Variants in XYLB observed in about 807,000 individuals in gnomAD.
The protein encoded by XYLB is xylulokinase.
In XYLB, 62 loss-of-function variants were observed where a neutral mutation model predicts 78.7. That is an observed-to-expected ratio of 0.79 (90% CI 0.64 to 0.97). XYLB has a LOEUF of 0.97. XYLB is among the 50% of genes least tolerant of loss of function. The pLI is 0.00. For missense variants in XYLB, 687 were observed against 676.8 expected (o/e 1.02, Z -0.17); for synonymous variants, 245 against 247.4 (o/e 0.99, Z 0.09).
intron 18 of XYLB, among the ~76,000 whole-genome samples, chr3:38,411,164 A>G (rs1378339293): frequency 6.6e-6 from 1 of 152,192 alleles, no homozygotes; most frequent in Non-Finnish European, 1.5e-5. Flanking sequence ...GATTAAGAAA[A>G]TGTGGCACAT....
intron 14 of XYLB, among the ~76,000 whole-genome samples, chr3:38,378,742 G>T (rs1706993604): frequency 6.6e-6 from 1 of 150,896 alleles, no homozygotes; most frequent in African/African-American, 2.4e-5. Flanking sequence ...AGTGAGCCTG[G>T]GGTTGATGCC....
At chr3:38,439,353 C>T in the XYLB span, among the ~76,000 whole-genome samples, 15 of 152,082 alleles carry the variant, frequency 9.9e-5, no homozygotes, top group African/African-American at 3.6e-4. Flanking sequence ...CTACAGGAAC[C>T]AAATTTGACA....
At chr3:38,450,514 C>T in the XYLB span, among the ~76,000 whole-genome samples, 1 of 152,152 alleles carries the variant, frequency 6.6e-6, no homozygotes, top group Non-Finnish European at 1.5e-5. Context: ...GCCTTAATGG[C>T]AGAATTCACT....
chr3:38,440,439 A>G, the XYLB span, among the ~76,000 whole-genome samples: 1 of 152,228 alleles, frequency 6.6e-6, no homozygotes, highest in African/African-American at 2.4e-5. Context: ...TGCTTCTACA[A>G]GAGTTTCCTT....
chr3:38,354,542 G>A (rs2125556111), intron 2 of XYLB, among the ~76,000 whole-genome samples: 1 of 150,730 alleles, frequency 6.6e-6, no homozygotes, highest in South Asian at 2.1e-4. Flanking sequence ...TAGCTCTGGA[G>A]CCCAGGTTGA....
At chr3:38,366,535 T>A (rs1243673046) in intron 6 of XYLB, among the ~76,000 whole-genome samples, 1 of 152,188 alleles carries the variant, frequency 6.6e-6, no homozygotes, top group Non-Finnish European at 1.5e-5. Flanking sequence ...TCAAACAGAT[T>A]TAATGCTTAT....
At chr3:38,397,242 G>A in intron 17 of XYLB, 83 bp downstream of exon 17, 1 of 1,296,424 alleles carries the variant, frequency 7.7e-7, no homozygotes, top group African/African-American at 1.5e-5. Flanking sequence ...GGGAGAGTGA[G>A]GTGTACCCAG....
chr3:38,441,059 A>G, the XYLB span, among the ~76,000 whole-genome samples: 1 of 151,126 alleles, frequency 6.6e-6, no homozygotes, highest in Admixed American at 6.6e-5. Context: ...CCAGCCGCTT[A>G]TGCTGCTATT....
chr3:38,357,638 G>A (rs913471414), intron 2 of XYLB, among the ~76,000 whole-genome samples: 3 of 152,090 alleles, frequency 2.0e-5, no homozygotes, highest in Non-Finnish European at 4.4e-5. Flanking sequence ...CGCCCGCCTC[G>A]GCCTCCCAAA....
intron 10 of XYLB, among the ~76,000 whole-genome samples, 173 bp downstream of exon 10, chr3:38,372,909 G>T (rs568411329): frequency 6.6e-6 from 1 of 151,886 alleles, no homozygotes; most frequent in Non-Finnish European, 1.5e-5. Context: ...GCCTTCTGTG[G>T]TCATTCCTCA....
chr3:38,431,542 T>G, the XYLB span, among the ~76,000 whole-genome samples: 9 of 152,356 alleles, frequency 5.9e-5, no homozygotes, highest in South Asian at 1.7e-3. Context: ...TACCTTCTAT[T>G]TCTTTCTCTT....
At chr3:38,417,283 C>A (rs566628409), downstream of XYLB, among the ~76,000 whole-genome samples, 1 of 151,654 alleles carries the variant, frequency 6.6e-6, no homozygotes, top group Admixed American at 6.6e-5. Flanking sequence ...AAAAATTAGC[C>A]AGGCATGGTG....
chr3:38,359,607 A>T (rs1705859900), intron 2 of XYLB, among the ~76,000 whole-genome samples: 1 of 152,208 alleles, frequency 6.6e-6, no homozygotes, highest in East Asian at 1.9e-4. Context: ...TGATATCACA[A>T]ATATACACCA....
At position 38,413,788 on chromosome 3, in the gene XYLB, AGTG is replaced by A. The variant is rs1401923345; in HGVS notation, c.*779_*781del. ...GATCACTGAGAGGGACCATCTCCCA[AGTG>A]GTGCAGTTTAGAACTTCTCTCCCTT... On this transcript the variant is annotated 3_prime_UTR_variant, in exon 19 of 19. Transcript: ENST00000207870. The A allele has an allele frequency of 6.6e-6, 1 of 152,132 alleles. No individual in the cohort carries two copies. The highest frequency in any genetic ancestry group is 1.5e-5 in the Non-Finnish European group (1 of 68,058). The allele number at this position is 152,132 out of a possible 1,614,324, so 9.4% of individuals were successfully genotyped here. A position where few individuals can be genotyped will look rare whatever the true frequency, so the allele number is the denominator to read the frequency against.
chr3:38,393,879 TG>T (rs1707769205), intron 15 of XYLB, among the ~76,000 whole-genome samples: 2 of 152,228 alleles, frequency 1.3e-5, no homozygotes, highest in Non-Finnish European at 2.9e-5. Flanking sequence ...TCTGAGAAAC[TG>T]GGGTTTAGGA....
At chr3:38,351,753 T>G (rs1275968720) in intron 2 of XYLB, among the ~76,000 whole-genome samples, 2 of 152,264 alleles carry the variant, frequency 1.3e-5, no homozygotes, top group African/African-American at 2.4e-5. Flanking sequence ...TAGAATTTTG[T>G]ATAGATGGAA....
At chr3:38,430,808 G>A in the XYLB span, among the ~76,000 whole-genome samples, 1 of 152,206 alleles carries the variant, frequency 6.6e-6, no homozygotes, top group African/African-American at 2.4e-5. Context: ...TTATTAAATA[G>A]GGAATCCTTT....
intron 15 of XYLB, among the ~76,000 whole-genome samples, chr3:38,385,221 A>G (rs916640442): frequency 2.6e-5 from 4 of 152,040 alleles, no homozygotes; most frequent in Non-Finnish European, 5.9e-5. Flanking sequence ...GCTGGTCTCA[A>G]ACTCTTGACC....
intron 15 of XYLB, among the ~76,000 whole-genome samples, chr3:38,388,453 A>G (rs1329392068): frequency 6.6e-6 from 1 of 152,100 alleles, no homozygotes; most frequent in Non-Finnish European, 1.5e-5. Context: ...ATTCCACAAT[A>G]TATACATATT....
Sources: allele counts gnomAD v4.1 joint callset (sites outside exome capture counted in the v4.1 genomes callset), GRCh38; gene constraint gnomAD v4.1.1; transcripts MANE v1.5; gene names NCBI Gene and HGNC (gene_info 2026-07-23, HGNC 2026-07-21).